The following ADGRL3 variants were observed in gnomAD, a reference collection of about 807,000 sequenced individuals.
ADGRL3 encodes the protein calcium-independent alpha-latrotoxin receptor 3.
A neutral mutation model predicts 153.5 loss-of-function variants in ADGRL3; 62 were observed. That is an observed-to-expected ratio of 0.40 (90% CI 0.33 to 0.50). The LOEUF is 0.50. Among genes scored for constraint, ADGRL3 ranks in the 20% least tolerant of loss-of-function variants. The probability of loss-of-function intolerance (pLI) is 0.47; values close to 1 mark genes in which losing one functional copy is unlikely to be tolerated. For missense variants in ADGRL3, 1,641 were observed against 1,859.4 expected (o/e 0.88, Z 2.16); for synonymous variants, 710 against 672.5 (o/e 1.06, Z -0.86).
chr4:61,210,659 A>C (rs1739552590), intron 1 of ADGRL3, among the ~76,000 whole-genome samples: 1 of 152,146 alleles, frequency 6.6e-6, no homozygotes, highest in Non-Finnish European at 1.5e-5. Context: ...GCAAGAATGG[A>C]AGGGTTCAAC....
At chr4:61,231,615 G>T (rs1033007101) in intron 1 of ADGRL3, among the ~76,000 whole-genome samples, 1 of 152,106 alleles carries the variant, frequency 6.6e-6, no homozygotes, top group Non-Finnish European at 1.5e-5. Flanking sequence ...AGGTAAGGTT[G>T]TGCTTCTGTG....
intron 5 of ADGRL3, among the ~76,000 whole-genome samples, chr4:61,644,204 C>T (rs1234485670): frequency 7.5e-5 from 11 of 147,144 alleles, no homozygotes; most frequent in African/African-American, 1.3e-4. Flanking sequence ...GTCTTGCTAG[C>T]GGTCTATCAA....
At chr4:61,579,583 C>T (rs1420765464) in intron 4 of ADGRL3, 2 of 511,506 alleles carry the variant, frequency 3.9e-6, no homozygotes, top group East Asian at 5.6e-5. Flanking sequence ...GTGTATGTGC[C>T]CTCAAAAAGG....
chr4:61,470,981 T>C (rs146498951), intron 2 of ADGRL3, among the ~76,000 whole-genome samples: 2 of 152,030 alleles, frequency 1.3e-5, no homozygotes, highest in African/African-American at 4.8e-5. Flanking sequence ...CTTTTTTAAA[T>C]TGATTCAGTA....
In ADGRL3 at chr4:61,776,046, G is replaced by A. The variant is rs993457288; in HGVS notation, c.1400-37763G>A. On this transcript the variant is annotated intron_variant, in intron 8 of 26. Transcript: ENST00000683033. ...CTCCCGAGTAGCTGGGACTCCAGGC[G>A]CCCGCCACCACACCCGGCTAATTTT... is the stretch of plus-strand genomic sequence containing the variant. Among the ~76,000 whole-genome samples, 30 of 152,100 alleles carry A rather than the reference G, an allele frequency of 2.0e-4. No homozygotes were observed. The East Asian group carries it at 2.5e-3, about 13-fold the overall frequency.
chr4:61,328,552 A>C (rs2095509166), intron 1 of ADGRL3, among the ~76,000 whole-genome samples: 1 of 152,166 alleles, frequency 6.6e-6, no homozygotes, highest in African/African-American at 2.4e-5. Context: ...ACTCCTATCT[A>C]TTACAAGAGA....
At chr4:61,651,580 T>G (rs1458592329) in intron 5 of ADGRL3, among the ~76,000 whole-genome samples, 1 of 151,896 alleles carries the variant, frequency 6.6e-6, no homozygotes, top group Non-Finnish European at 1.5e-5. Context: ...TAAATAAATT[T>G]TTTTTGTGTG....
chr4:61,937,792 G>A (rs948715103), intron 15 of ADGRL3, among the ~76,000 whole-genome samples: 4 of 152,014 alleles, frequency 2.6e-5, no homozygotes, highest in Admixed American at 1.3e-4. Flanking sequence ...CACTACTTAC[G>A]TATACAATAA....
intron 1 of ADGRL3, among the ~76,000 whole-genome samples, chr4:61,363,484 T>C (rs905961863): frequency 6.6e-6 from 1 of 152,182 alleles, no homozygotes; most frequent in Admixed American, 6.5e-5. Context: ...CAACCTAATA[T>C]ACGCATGATG....
intron 1 of ADGRL3, among the ~76,000 whole-genome samples, chr4:61,324,100 G>C (rs1247470233): frequency 6.6e-6 from 1 of 152,146 alleles, no homozygotes; most frequent in African/African-American, 2.4e-5. Context: ...CAGATCTCGT[G>C]AGACCCATTT....
intron 4 of ADGRL3, among the ~76,000 whole-genome samples, chr4:61,552,470 T>C (rs2098744555): frequency 6.6e-6 from 1 of 152,148 alleles, no homozygotes; most frequent in South Asian, 2.1e-4. Context: ...TTTAATTTCA[T>C]TTATTTATTT....
At chr4:61,440,840 A>G (rs1017602403) in intron 2 of ADGRL3, among the ~76,000 whole-genome samples, 1 of 152,192 alleles carries the variant, frequency 6.6e-6, no homozygotes, top group African/African-American at 2.4e-5. Context: ...CAATAATAAC[A>G]GAATTACAAT....
rs146533017 is a variant in ADGRL3, at chr4:61,601,950, G to A, written c.473+14510G>A. Among the ~76,000 whole-genome samples, 369 of 152,110 alleles carry A rather than the reference G, an allele frequency of 2.4e-3. 2 individuals carry two copies. Among genetic ancestry groups the A allele is most frequent in the Admixed American group, 3.7e-3 (57 of 15,268 alleles). On this transcript the variant is annotated intron_variant, in intron 5 of 26. Transcript: ENST00000683033. ...AATTTTCAAGTATTCTGCCTTCTGC[G>A]TGATTGTGAATATATGTTGTTAGAT...
At chr4:61,319,937 A>G (rs2150730473) in intron 1 of ADGRL3, among the ~76,000 whole-genome samples, 1 of 152,170 alleles carries the variant, frequency 6.6e-6, no homozygotes, top group African/African-American at 2.4e-5. Flanking sequence ...TGAAGTCCTA[A>G]CTCCTAATAT....
At chr4:61,487,708 G>C (rs970784712) in intron 2 of ADGRL3, among the ~76,000 whole-genome samples, 2 of 151,866 alleles carry the variant, frequency 1.3e-5, no homozygotes, top group East Asian at 3.8e-4. Context: ...TAAAAGTATA[G>C]CTATGTTCAT....
chr4:61,779,361 G>C (rs768760202), intron 8 of ADGRL3, among the ~76,000 whole-genome samples: 4 of 151,906 alleles, frequency 2.6e-5, no homozygotes, highest in African/African-American at 9.7e-5. Context: ...GCTTAAATTT[G>C]AGAATTATTG....
chr4:61,608,733 A>G (rs1161254465), intron 5 of ADGRL3, among the ~76,000 whole-genome samples: 3 of 152,138 alleles, frequency 2.0e-5, no homozygotes, highest in Admixed American at 1.3e-4. Context: ...CATGGAATTT[A>G]CTATAACTTT....
At chr4:61,350,771 T>C (rs1045016654) in intron 1 of ADGRL3, among the ~76,000 whole-genome samples, 1 of 152,186 alleles carries the variant, frequency 6.6e-6, no homozygotes, top group Non-Finnish European at 1.5e-5. Flanking sequence ...AGTGAACCTA[T>C]TCGATAAATG....
At chr4:61,641,790 G>A (rs969454618) in intron 5 of ADGRL3, among the ~76,000 whole-genome samples, 5 of 150,704 alleles carry the variant, frequency 3.3e-5, no homozygotes, top group East Asian at 2.0e-4. Flanking sequence ...ATAGTCCTTC[G>A]GGTATATACC....
Sources: allele counts gnomAD v4.1 joint callset (sites outside exome capture counted in the v4.1 genomes callset), GRCh38; gene constraint gnomAD v4.1.1; transcripts MANE v1.5; gene names NCBI Gene and HGNC (gene_info 2026-07-23, HGNC 2026-07-21).